Variants in SGCZ observed in about 807,000 individuals in gnomAD.
SGCZ encodes the protein zeta-sarcoglycan.
In SGCZ, 40 loss-of-function variants were observed where a neutral mutation model predicts 41.3. The ratio of observed to expected loss-of-function variants is 0.97; its 90% CI spans 0.75 to 1.26. SGCZ has a LOEUF of 1.26. Among genes scored for constraint, SGCZ ranks in the 50% most tolerant of loss-of-function variants. The pLI, the probability that SGCZ is intolerant of heterozygous loss-of-function variation, is 0.00. For synonymous variants in SGCZ, 206 were observed against 137.5 expected, an observed-to-expected ratio of 1.50 and a Z score of -3.49; for missense variants, 552 against 369.8, an observed-to-expected ratio of 1.49 and a Z score of -4.04.
chr8:14,443,329 C>A (rs1214737592), intron 2 of SGCZ, among the ~76,000 whole-genome samples: 1 of 152,034 alleles, frequency 6.6e-6, no homozygotes, highest in African/African-American at 2.4e-5. Context: ...TCATATGGAA[C>A]CAAAAAAGAG....
intron 2 of SGCZ, among the ~76,000 whole-genome samples, chr8:14,414,389 T>G (rs144515142): frequency 6.6e-6 from 1 of 152,044 alleles, no homozygotes; most frequent in East Asian, 1.9e-4. Flanking sequence ...AGGAACTCCC[T>G]GGAGAGTACA....
intron 1 of SGCZ, among the ~76,000 whole-genome samples, chr8:14,685,709 A>G (rs35685176): frequency 0.35 from 53,457 of 152,044 alleles, 11,810 homozygotes; most frequent in African/African-American, 0.63. Context: ...TATTACATAT[A>G]AAGCTAGTTT....
intron 1 of SGCZ, among the ~76,000 whole-genome samples, chr8:15,009,254 A>G (rs1280660081): frequency 6.6e-6 from 1 of 152,266 alleles, no homozygotes; most frequent in African/African-American, 2.4e-5. Context: ...CATGATTTAC[A>G]TGGCTTGAGC....
At chr8:14,771,389 G>A (rs781065240) in intron 1 of SGCZ, among the ~76,000 whole-genome samples, 5 of 152,106 alleles carry the variant, frequency 3.3e-5, no homozygotes, top group Non-Finnish European at 7.4e-5. Flanking sequence ...TTTTTAGGGA[G>A]TGTATTGAGC....
In SGCZ at chr8:14,528,830, A is replaced by AAAAC. The variant is rs1554532876; in HGVS notation, c.234+25901_234+25902insGTTT. 8.9e-3 allele frequency among the ~76,000 whole-genome samples: 695 copies of AAAAC among 78,230 alleles called. 17 individuals carry two copies. Among genetic ancestry groups the AAAAC allele is most frequent in the African/African-American group, 0.041 (642 of 15,676 alleles). The allele number at this position is 78,230 out of a possible 152,430, so 51.3% of individuals were successfully genotyped here. The stretch of plus-strand genomic sequence containing the variant: ...TAACACAACATCACGGACCAGCCAA[A>AAAAC]AAAAAAACAAAACAAAAACAAAAAA... On this transcript the variant is annotated intron_variant, in intron 2 of 7. Transcript: ENST00000382080.
chr8:14,555,037 G>A (rs1402600237), intron 1 of SGCZ, 111 bp from the exon 2 acceptor site: 1 of 909,802 alleles, frequency 1.1e-6, no homozygotes, highest in East Asian at 2.5e-5. Context: ...AAAATAATTG[G>A]CAGTGAGCAT....
intron 1 of SGCZ, among the ~76,000 whole-genome samples, chr8:15,013,115 A>G (rs1356458111): frequency 6.6e-6 from 1 of 152,190 alleles, no homozygotes; most frequent in African/African-American, 2.4e-5. Flanking sequence ...AAATGCATGC[A>G]TCACAGGGTG....
intron 2 of SGCZ, among the ~76,000 whole-genome samples, chr8:14,379,825 G>A (rs1316919980): frequency 2.6e-5 from 4 of 151,960 alleles, no homozygotes; most frequent in Admixed American, 6.6e-5. Flanking sequence ...TCCACCTCCC[G>A]GGTTCAAGTG....
At chr8:14,794,488 T>C (rs929227299) in intron 1 of SGCZ, among the ~76,000 whole-genome samples, 9 of 152,146 alleles carry the variant, frequency 5.9e-5, no homozygotes, top group Non-Finnish European at 1.2e-4. Flanking sequence ...TTCCCCAGAA[T>C]ATTCCCAGAA....
Position 14,164,715 on chromosome 8 carries a change from G to A in SGCZ, c.425-13C>T. 6.2e-7 allele frequency: 1 copy of A among 1,611,780 alleles called. No homozygotes were observed. The highest frequency in any genetic ancestry group is 2.2e-5 in the East Asian group (1 of 44,844). On this transcript the variant is annotated splice_polypyrimidine_tract_variant and intron_variant, in intron 4 of 7. Coordinates refer to ENST00000382080, the MANE Select transcript of SGCZ (RefSeq NM_139167.4). ...ACAGCATCAGCTCCTATGGTCAGAG[G>A]AAAGGTTTAAAAATGAAACTGGTAT...
intron 4 of SGCZ, among the ~76,000 whole-genome samples, chr8:14,186,374 A>G (rs1804901930): frequency 6.6e-6 from 1 of 152,150 alleles, no homozygotes; most frequent in Non-Finnish European, 1.5e-5. Context: ...TGTGATGGAA[A>G]TTCCACTTTA....
At chr8:15,021,506 G>C (rs185158790) in intron 1 of SGCZ, among the ~76,000 whole-genome samples, 1 of 152,148 alleles carries the variant, frequency 6.6e-6, no homozygotes, top group African/African-American at 2.4e-5. Flanking sequence ...AAGTCAAAAA[G>C]GGAATTAACA....
intron 3 of SGCZ, among the ~76,000 whole-genome samples, chr8:14,320,419 T>C (rs1479583172): frequency 1.3e-5 from 2 of 151,380 alleles, no homozygotes; most frequent in Non-Finnish European, 2.9e-5. Context: ...GCCCCATGGC[T>C]TTGTGACTGA....
intron 1 of SGCZ, among the ~76,000 whole-genome samples, chr8:14,720,290 C>A (rs1276958247): frequency 6.6e-6 from 1 of 151,992 alleles, no homozygotes; most frequent in Non-Finnish European, 1.5e-5. Flanking sequence ...GTTTGCTTCT[C>A]CTTTTCTAAC....
rs558108396 is a variant in SGCZ at position 15,200,625 on chromosome 8, A to T, written c.39+36960T>A. 6.3e-4 allele frequency among the ~76,000 whole-genome samples: 96 copies of T among 152,336 alleles called. 1 individual carries two copies. The highest frequency in any genetic ancestry group is 2.0e-3 in the Admixed American group (30 of 15,300). On this transcript the variant is annotated intron_variant, in intron 1 of 7. Transcript: ENST00000382080. ...CATCTTATGACTGTTACATGGAGTC[A>T]TATCACCTTAGATCCTTTCTATAAC...
intron 5 of SGCZ, among the ~76,000 whole-genome samples, chr8:14,155,218 A>C (rs1180417595): frequency 6.6e-6 from 1 of 152,124 alleles, no homozygotes; most frequent in East Asian, 1.9e-4. Flanking sequence ...TATCTTCCAA[A>C]ATGTTTCTCA....
chr8:14,109,448 TTGA>T (rs1802308649), intron 5 of SGCZ, among the ~76,000 whole-genome samples: 1 of 152,184 alleles, frequency 6.6e-6, no homozygotes, highest in Admixed American at 6.5e-5. Context: ...CAAAATAAAC[TTGA>T]TGATTTTGTT....
intron 2 of SGCZ, among the ~76,000 whole-genome samples, chr8:14,457,495 G>A (rs1010989982): frequency 2.6e-5 from 4 of 152,178 alleles, no homozygotes; most frequent in Non-Finnish European, 5.9e-5. Context: ...TCTTGTGGAG[G>A]GCCTGACATC....
At chr8:15,009,721 G>T (rs937910087) in intron 1 of SGCZ, among the ~76,000 whole-genome samples, 2 of 152,098 alleles carry the variant, frequency 1.3e-5, no homozygotes, top group African/African-American at 2.4e-5. Context: ...CTTGATCTGT[G>T]TCCCTCACAC....
Sources: allele counts gnomAD v4.1 joint callset (sites outside exome capture counted in the v4.1 genomes callset), GRCh38; gene constraint gnomAD v4.1.1; transcripts MANE v1.5; gene names NCBI Gene and HGNC (gene_info 2026-07-23, HGNC 2026-07-21).